Variants in TRAF3 observed in about 807,000 individuals in gnomAD.
TRAF3 encodes TNF receptor associated factor 3, also known as TNF receptor-associated factor 3.
TRAF3 carries 13 observed loss-of-function variants against 62.3 expected under a neutral mutation model. The observed-to-expected ratio is 0.21, with a 90% CI of 0.14 to 0.33. TRAF3 has a LOEUF of 0.33. TRAF3 is among the 10% of genes least tolerant of loss of function. The pLI is 1.00. For missense variants in TRAF3, 440 were observed against 741.8 expected (o/e 0.59, Z 4.73); for synonymous variants, 269 against 283.4 (o/e 0.95, Z 0.51).
At chr14:102,866,644 G>A (rs1888008294) in intron 2 of TRAF3, among the ~76,000 whole-genome samples, 1 of 152,080 alleles carries the variant, frequency 6.6e-6, no homozygotes, top group Non-Finnish European at 1.5e-5. Context: ...AGGAGTTTGA[G>A]AGCAGACTGG....
At chr14:102,791,218 AC>A (rs1461238108) in intron 1 of TRAF3, among the ~76,000 whole-genome samples, 1 of 151,450 alleles carries the variant, frequency 6.6e-6, no homozygotes, top group Non-Finnish European at 1.5e-5. Context: ...ACGGGGTTTA[AC>A]TGTGTTAGCC....
chr14:102,852,392 C>G (rs1887097336), intron 2 of TRAF3, among the ~76,000 whole-genome samples: 2 of 152,140 alleles, frequency 1.3e-5, no homozygotes, highest in African/African-American at 4.8e-5. Context: ...TGTTGTTGTT[C>G]CAGCCTGGGA....
intron 6 of TRAF3, among the ~76,000 whole-genome samples, chr14:102,880,410 G>T (rs948045625): frequency 1.8e-4 from 28 of 152,194 alleles, no homozygotes; most frequent in African/African-American, 6.3e-4. Flanking sequence ...TTAATATGTT[G>T]CCATCTCATG....
chr14:102,902,199 C>T (rs1268814070), intron 10 of TRAF3, among the ~76,000 whole-genome samples: 3 of 152,222 alleles, frequency 2.0e-5, no homozygotes, highest in African/African-American at 4.8e-5. Flanking sequence ...CTCGTGTGTT[C>T]GTGGCAGGGT....
At chr14:102,901,431 C>T (rs1424378719) in intron 10 of TRAF3, among the ~76,000 whole-genome samples, 1 of 152,188 alleles carries the variant, frequency 6.6e-6, no homozygotes, top group Non-Finnish European at 1.5e-5. Context: ...TCGCGAGCAC[C>T]CCTGCCAGCT....
intron 1 of TRAF3, among the ~76,000 whole-genome samples, chr14:102,803,972 AG>A (rs1280903820): frequency 1.1e-4 from 17 of 152,104 alleles, no homozygotes; most frequent in African/African-American, 4.1e-4. Context: ...CTCAGGCCGG[AG>A]GGTCGCTTGA....
chr14:102,808,428 G>C lies in TRAF3; in HGVS notation c.-156-21906G>C, dbSNP rs141246902. On this transcript the variant is annotated intron_variant, in intron 1 of 11. Transcript: ENST00000392745. ...CTCAGGAGGCTGAGGCAGGAGAATT[G>C]CTTGAACCCAGGAGGCAGAGGTTGA... 3.0e-3 allele frequency among the ~76,000 whole-genome samples: 456 copies of C among 151,744 alleles called. 2 individuals are homozygous for C. The highest frequency in any genetic ancestry group is 7.3e-3 in the African/African-American group (302 of 41,362).
At chr14:102,792,232 C>T (rs749799967) in intron 1 of TRAF3, among the ~76,000 whole-genome samples, 16 of 147,062 alleles carry the variant, frequency 1.1e-4, no homozygotes, top group Non-Finnish European at 1.9e-4. Flanking sequence ...TCAAGCAGTG[C>T]TCCTTCTTTA....
intron 4 of TRAF3, among the ~76,000 whole-genome samples, chr14:102,873,465 A>G (rs967106431): frequency 6.6e-6 from 1 of 152,094 alleles, no homozygotes; most frequent in Non-Finnish European, 1.5e-5. Context: ...TTTTTTTAGT[A>G]TCTCTGTTTT....
At chr14:102,810,332 G>A (rs1899046683) in intron 1 of TRAF3, among the ~76,000 whole-genome samples, 1 of 152,156 alleles carries the variant, frequency 6.6e-6, no homozygotes, top group African/African-American at 2.4e-5. Context: ...TGGGAACATA[G>A]GGTGACCTCA....
intron 1 of TRAF3, among the ~76,000 whole-genome samples, chr14:102,778,827 T>G (rs1348925684): frequency 6.6e-6 from 1 of 152,216 alleles, no homozygotes; most frequent in Non-Finnish European, 1.5e-5. Flanking sequence ...AATGGCCAAG[T>G]GGACCATCAG....
chr14:102,796,165 C>T (rs1049992479), intron 1 of TRAF3, among the ~76,000 whole-genome samples: 3 of 152,148 alleles, frequency 2.0e-5, no homozygotes, highest in Non-Finnish European at 4.4e-5. Flanking sequence ...TGCAGTGAGC[C>T]GAGTTGCACC....
chr14:102,811,736 TGTGTGTG>T (rs1310259932), intron 1 of TRAF3, among the ~76,000 whole-genome samples: 1 of 40,768 alleles, frequency 2.5e-5, no homozygotes, highest in Non-Finnish European at 1.1e-4. Context: ...GTAGTGTGTG[TGTGTGTG>T]TGTGTGTGTG....
rs377087518 is a variant in TRAF3 at position 102,853,355 on chromosome 14, G to C, written c.-17-16830G>C. 3.3e-5 allele frequency among the ~76,000 whole-genome samples: 5 copies of C among 152,042 alleles called. No individual in the cohort carries two copies. The East Asian group carries it at 9.7e-4, about 29-fold the overall frequency. ...TCCTGCCTGCTAGCCATTTTTTTAT[G>C]TTCGTGGTGGTGGTAAGGAGTGGCT... is the stretch of plus-strand genomic sequence containing the variant. On this transcript the variant is annotated intron_variant, in intron 2 of 11. Transcript: ENST00000392745.
intron 4 of TRAF3, among the ~76,000 whole-genome samples, chr14:102,872,806 C>T (rs1431928579): frequency 3.9e-5 from 6 of 152,000 alleles, no homozygotes; most frequent in South Asian, 2.1e-4. Context: ...ATTCTCATGC[C>T]GCAGCCTCCC....
intron 2 of TRAF3, among the ~76,000 whole-genome samples, chr14:102,834,002 A>AAG (rs1555369927): frequency 6.7e-6 from 1 of 149,856 alleles, no homozygotes; most frequent in African/African-American, 2.5e-5. Context: ...GGGAAAAAAA[A>AAG]GAATATTTGG....
At position 102,826,859 on chromosome 14, in the gene TRAF3, G is replaced by A. The variant is rs1446360924; in HGVS notation, c.-156-3475G>A. Among the ~76,000 whole-genome samples, 2 of 152,112 alleles carry A rather than the reference G, an allele frequency of 1.3e-5. No individual in the cohort carries two copies. The highest frequency in any genetic ancestry group is 2.4e-5 in the African/African-American group (1 of 41,428). ...TTATGGGTGGCGGCGTGGTGAGGTC[G>A]CACAACACAGAGCTGCCCTGCTGTG... is the stretch of plus-strand genomic sequence containing the variant. On this transcript the variant is annotated intron_variant, in intron 1 of 11. Transcript: ENST00000392745. The surrounding 1 kb of genome is among the most constrained non-coding windows in gnomAD (Gnocchi z 4.6).
At chr14:102,843,076 G>T (rs1297646508) in intron 2 of TRAF3, among the ~76,000 whole-genome samples, 1 of 151,706 alleles carries the variant, frequency 6.6e-6, no homozygotes, top group Admixed American at 6.6e-5. Flanking sequence ...GGTGGCAGGT[G>T]CCTGTAATCC....
chr14:102,883,598 T>C (rs995842226), intron 6 of TRAF3, among the ~76,000 whole-genome samples: 59 of 152,266 alleles, frequency 3.9e-4, no homozygotes, highest in African/African-American at 1.0e-3. Context: ...TTCTTTCTTT[T>C]TTTTCGAGGC....
Sources: allele counts gnomAD v4.1 joint callset (sites outside exome capture counted in the v4.1 genomes callset), GRCh38; gene constraint gnomAD v4.1.1; non-coding constraint Gnocchi (gnomAD v3.1); transcripts MANE v1.5; gene names NCBI Gene and HGNC (gene_info 2026-07-23, HGNC 2026-07-21).